Variants in SUCLG2 observed in about 807,000 individuals in gnomAD.
SUCLG2 encodes succinate--CoA ligase [GDP-forming] subunit beta, mitochondrial.
Under a neutral mutation model 47.9 loss-of-function variants are expected in SUCLG2, and 42 were observed. The observed-to-expected ratio is 0.88, with a 90% CI of 0.69 to 1.14. The LOEUF (loss-of-function observed/expected upper bound fraction) is 1.14, where lower values mean the gene tolerates loss of function less well. Among genes scored for constraint, SUCLG2 ranks in the 50% most tolerant of loss-of-function variants. The pLI is 0.00. For synonymous variants in SUCLG2, 195 were observed against 197.3 expected (o/e 0.99, Z 0.10); for missense variants, 571 against 525.9 (o/e 1.09, Z -0.84).
chr3:67,398,796 A>T (rs1702612126), intron 10 of SUCLG2, among the ~76,000 whole-genome samples: 1 of 152,198 alleles, frequency 6.6e-6, no homozygotes, highest in Non-Finnish European at 1.5e-5. Flanking sequence ...GATAGACTGG[A>T]TTAAGAAAAT....
At chr3:67,415,687 T>C (rs1233054781) in intron 9 of SUCLG2, among the ~76,000 whole-genome samples, 1 of 152,236 alleles carries the variant, frequency 6.6e-6, no homozygotes, top group Non-Finnish European at 1.5e-5. Flanking sequence ...ATACACCAGA[T>C]GCAACACATT....
intron 9 of SUCLG2, among the ~76,000 whole-genome samples, chr3:67,443,948 C>G (rs1202976108): frequency 5.7e-5 from 6 of 104,676 alleles, no homozygotes; most frequent in African/African-American, 9.7e-5. Flanking sequence ...CCACCCCGTC[C>G]GGGAGGGAGG....
chr3:67,377,430 T>G (rs1702057681), intron 10 of SUCLG2, among the ~76,000 whole-genome samples: 1 of 152,198 alleles, frequency 6.6e-6, no homozygotes, highest in African/African-American at 2.4e-5. Flanking sequence ...TCTTCTGCAG[T>G]AGAGTGCTAT....
At chr3:67,485,251 T>C (rs567442331) in intron 9 of SUCLG2, among the ~76,000 whole-genome samples, 5 of 152,332 alleles carry the variant, frequency 3.3e-5, no homozygotes, top group East Asian at 3.9e-4. Context: ...ATAAAAAATA[T>C]GTAGCTTGGT....
At chr3:67,543,618 T>C (rs1706778790) in intron 2 of SUCLG2, among the ~76,000 whole-genome samples, 1 of 152,150 alleles carries the variant, frequency 6.6e-6, no homozygotes, top group Non-Finnish European at 1.5e-5. Context: ...TGAGCCATGA[T>C]TATGTCACTG....
At chr3:67,599,186 CCT>C in intron 2 of SUCLG2, among the ~76,000 whole-genome samples, 1 of 152,232 alleles carries the variant, frequency 6.6e-6, no homozygotes, top group East Asian at 1.9e-4. Context: ...AAGTAACTTG[CCT>C]AGGGTTGTGA....
intron 3 of SUCLG2, 39 bp downstream of exon 3, chr3:67,529,048 C>G: frequency 1.9e-6 from 3 of 1,558,958 alleles, no homozygotes; most frequent in Non-Finnish European, 2.6e-6. Flanking sequence ...TCCATAACTG[C>G]TTGGCCAAAA....
chr3:67,437,054 T>A (rs1317005834), intron 9 of SUCLG2, among the ~76,000 whole-genome samples: 1 of 152,108 alleles, frequency 6.6e-6, no homozygotes, highest in Non-Finnish European at 1.5e-5. Flanking sequence ...TTAAACACAT[T>A]GAGTATTATT....
At chr3:67,571,712 T>A (rs2107237807) in intron 2 of SUCLG2, among the ~76,000 whole-genome samples, 1 of 152,326 alleles carries the variant, frequency 6.6e-6, no homozygotes. Flanking sequence ...GTAAAACATT[T>A]TATAAAAAAT....
chr3:67,644,634 AAAAATGGTT>A (rs1187443180), intron 1 of SUCLG2, among the ~76,000 whole-genome samples: 8 of 152,058 alleles, frequency 5.3e-5, no homozygotes, highest in African/African-American at 1.9e-4. Flanking sequence ...TAAAAATGGC[AAAAATGGTT>A]AAAATGGTCA....
chr3:67,526,648 A>G (rs1220435138), intron 4 of SUCLG2, among the ~76,000 whole-genome samples: 8 of 152,200 alleles, frequency 5.3e-5, no homozygotes, highest in Non-Finnish European at 1.5e-5. Flanking sequence ...TCACAATGAA[A>G]TATCACTACA....
intron 2 of SUCLG2, among the ~76,000 whole-genome samples, chr3:67,573,256 C>T (rs927223691): frequency 1.3e-5 from 2 of 152,134 alleles, no homozygotes; most frequent in Non-Finnish European, 2.9e-5. Context: ...ACAGGATCAA[C>T]ATGAACTCTA....
intron 1 of SUCLG2, among the ~76,000 whole-genome samples, chr3:67,624,454 G>A (rs1157136862): frequency 6.6e-6 from 1 of 152,160 alleles, no homozygotes; most frequent in East Asian, 1.9e-4. Flanking sequence ...TGCTTTTAAA[G>A]AAAAATATAA....
At chr3:67,515,678 C>T (rs1481784732) in intron 6 of SUCLG2, among the ~76,000 whole-genome samples, 3 of 151,996 alleles carry the variant, frequency 2.0e-5, no homozygotes, top group Non-Finnish European at 4.4e-5. Context: ...ATACTATTTC[C>T]TTAGGAAAAG....
At chr3:67,432,229 G>C (rs929218998) in intron 9 of SUCLG2, among the ~76,000 whole-genome samples, 1 of 152,166 alleles carries the variant, frequency 6.6e-6, no homozygotes, top group Non-Finnish European at 1.5e-5. Context: ...GCTAGGCATT[G>C]TTTTGCTGGT....
At chr3:67,641,414 G>GA (rs1359166834) in intron 1 of SUCLG2, among the ~76,000 whole-genome samples, 8 of 152,136 alleles carry the variant, frequency 5.3e-5, no homozygotes, top group African/African-American at 1.9e-4. Context: ...GTGCCAAGGT[G>GA]AAAAAACAAA....
chr3:67,362,754 C>T (rs547232619), intron 10 of SUCLG2, among the ~76,000 whole-genome samples: 5 of 152,254 alleles, frequency 3.3e-5, no homozygotes, highest in East Asian at 1.9e-4. Flanking sequence ...GTAGCCTTCT[C>T]GAGAAGTATG....
intron 1 of SUCLG2, among the ~76,000 whole-genome samples, chr3:67,624,722 T>C (rs1700793507): frequency 6.6e-6 from 1 of 152,122 alleles, no homozygotes; most frequent in African/African-American, 2.4e-5. Flanking sequence ...ATAAGAATAA[T>C]CCATAGAAGT....
chr3:67,633,560 T>G (rs1052452663), intron 1 of SUCLG2, among the ~76,000 whole-genome samples: 1 of 152,178 alleles, frequency 6.6e-6, no homozygotes, highest in African/African-American at 2.4e-5. Context: ...GCTCCCCAGG[T>G]TTGGATGAAA....
Sources: gnomAD v4.1 joint callset for allele counts (sites outside exome capture counted in the v4.1 genomes callset) on GRCh38, gnomAD v4.1.1 for gene constraint, MANE v1.5 for transcripts, NCBI Gene and HGNC (gene_info 2026-07-23, HGNC 2026-07-21) for gene names.